The following NMNAT3 variants were observed in gnomAD, a reference collection of about 807,000 sequenced individuals.
NMNAT3 encodes nicotinamide/nicotinic acid mononucleotide adenylyltransferase 3.
Under a neutral mutation model 24.8 loss-of-function variants are expected in NMNAT3, and 21 were observed. The observed-to-expected ratio is 0.85, with a 90% CI of 0.60 to 1.22. NMNAT3 has a LOEUF of 1.22. NMNAT3 is among the 50% of genes most tolerant of loss of function. NMNAT3 has a pLI of 0.00. For synonymous variants in NMNAT3, 136 were observed against 155.2 expected (o/e 0.88, Z 0.92); for missense variants, 387 against 436.6 (o/e 0.89, Z 1.01).
At position 139,624,724 on chromosome 3, in the gene NMNAT3, C is replaced by T. The variant is rs552523244; in HGVS notation, c.109+2892G>A. Among the ~76,000 whole-genome samples, 7 of 152,280 alleles carry T rather than the reference C, an allele frequency of 4.6e-5. No individual in the cohort carries two copies. In the South Asian group the frequency reaches 6.2e-4, roughly 14 times the overall value. ...TTGGCCTCCCAAAGTGTTGGGATTA[C>T]GGGCATGAGCCACCGCGCCATGCGG... On this transcript the variant is annotated intron_variant, in intron 3 of 6. Coordinates refer to ENST00000643695, the MANE Select transcript of NMNAT3 (RefSeq NM_001320510.2).
rs373498078 is a variant in NMNAT3 at position 139,565,287 on chromosome 3, A to G, written c.659-3895T>C. The G allele has an allele frequency of 3.9e-5, 6 of 152,342 alleles. No individual in the cohort carries two copies. The East Asian group carries it at 9.6e-4, about 24-fold the overall frequency. 9.4% of individuals were successfully genotyped at this position (152,342 alleles called of 1,614,324 possible). On this transcript the variant is annotated intron_variant, in intron 6 of 6. Transcript: ENST00000643695. ...CAGATTCCTAGAATGGGAATTTATC[A>G]AGCAAAGAGTGCAAAGATTTTTAAA...
intron 3 of NMNAT3, among the ~76,000 whole-genome samples, chr3:139,604,002 C>T (rs1293870518): frequency 2.0e-5 from 3 of 152,150 alleles, no homozygotes; most frequent in African/African-American, 7.2e-5. Flanking sequence ...TCAAGTGGAA[C>T]CAGACATGGT....
intron 3 of NMNAT3, among the ~76,000 whole-genome samples, chr3:139,587,178 G>T (rs931222370): frequency 6.6e-6 from 1 of 152,210 alleles, no homozygotes; most frequent in African/African-American, 2.4e-5. Flanking sequence ...GCCTCCTTCA[G>T]CTTTGGCAAG....
intron 2 of NMNAT3, chr3:139,635,214 T>C (rs1037215805): frequency 2.0e-5 from 3 of 152,252 alleles, no homozygotes; most frequent in African/African-American, 7.2e-5. Flanking sequence ...TCTAGTTACC[T>C]AAGACCTGGC....
At chr3:139,594,154 C>G (rs560771607) in intron 3 of NMNAT3, among the ~76,000 whole-genome samples, 2 of 152,234 alleles carry the variant, frequency 1.3e-5, no homozygotes, top group East Asian at 3.9e-4. Flanking sequence ...TACAGAAATA[C>G]AAACTACCAT....
intron 1 of NMNAT3, among the ~76,000 whole-genome samples, chr3:139,662,654 AT>A (rs2057452246): frequency 6.6e-6 from 1 of 152,094 alleles, no homozygotes; most frequent in South Asian, 2.1e-4. Context: ...GTACTGAAGA[AT>A]TGGAGGAGGA....
intron 2 of NMNAT3, among the ~76,000 whole-genome samples, chr3:139,629,832 A>C (rs966311753): frequency 2.0e-5 from 3 of 151,962 alleles, no homozygotes; most frequent in African/African-American, 2.4e-5. Context: ...CAACCAGAAA[A>C]CCCCCCGGCA....
At chr3:139,628,059 A>G (rs1324240571) in intron 2 of NMNAT3, among the ~76,000 whole-genome samples, 2 of 152,202 alleles carry the variant, frequency 1.3e-5, no homozygotes, top group African/African-American at 4.8e-5. Flanking sequence ...TGATCCCAGA[A>G]CCCATGTTCT....
intron 3 of NMNAT3, among the ~76,000 whole-genome samples, chr3:139,611,851 T>G (rs141758790): frequency 6.6e-6 from 1 of 152,146 alleles, no homozygotes; most frequent in African/African-American, 2.4e-5. Flanking sequence ...TCTGGGGGTA[T>G]CTGTTGAGTC....
chr3:139,644,408 G>A (rs573668831), intron 1 of NMNAT3, among the ~76,000 whole-genome samples: 3 of 152,102 alleles, frequency 2.0e-5, no homozygotes, highest in African/African-American at 7.2e-5. Flanking sequence ...TTTAAGTACA[G>A]GAATAGAATA....
chr3:139,611,848 G>T (rs374232431), intron 3 of NMNAT3, among the ~76,000 whole-genome samples: 1 of 152,320 alleles, frequency 6.6e-6, no homozygotes, highest in South Asian at 2.1e-4. Flanking sequence ...CTTTCTGGGG[G>T]TATCTGTTGA....
intron 3 of NMNAT3, among the ~76,000 whole-genome samples, chr3:139,592,575 T>C (rs1156469041): frequency 6.6e-6 from 1 of 152,246 alleles, no homozygotes; most frequent in South Asian, 2.1e-4. Flanking sequence ...GAGAGAAAGG[T>C]TGGGTTACCC....
intron 1 of NMNAT3, among the ~76,000 whole-genome samples, chr3:139,653,394 ATG>A (rs1553761071): frequency 2.0e-5 from 3 of 152,242 alleles, no homozygotes; most frequent in East Asian, 1.9e-4. Context: ...TAAAATGCTT[ATG>A]TGAGTTGAAG....
At chr3:139,643,051 G>A (rs2108361733) in intron 1 of NMNAT3, among the ~76,000 whole-genome samples, 1 of 152,152 alleles carries the variant, frequency 6.6e-6, no homozygotes, top group South Asian at 2.1e-4. Flanking sequence ...TTAAAAAGTG[G>A]GCAAAGGACT....
chr3:139,677,651 T>C (rs1478351172), intron 1 of NMNAT3, 54 bp downstream of exon 1: 2 of 152,020 alleles, frequency 1.3e-5, no homozygotes. Flanking sequence ...GGCCCGGGCA[T>C]TCAGCCGCGA....
intron 1 of NMNAT3, among the ~76,000 whole-genome samples, chr3:139,676,570 T>C (rs1032781088): frequency 2.0e-5 from 3 of 152,274 alleles, no homozygotes; most frequent in Admixed American, 2.0e-4. Flanking sequence ...GGCCAGTGGG[T>C]AAGAACCCTT....
At chr3:139,650,258 T>C (rs1219515532) in intron 1 of NMNAT3, among the ~76,000 whole-genome samples, 2 of 152,208 alleles carry the variant, frequency 1.3e-5, no homozygotes, top group Non-Finnish European at 2.9e-5. Flanking sequence ...TCATAAAAAG[T>C]GTTGACATTT....
At chr3:139,640,586 GGGAAGGGT>G (rs2056665596) in intron 1 of NMNAT3, among the ~76,000 whole-genome samples, 1 of 152,186 alleles carries the variant, frequency 6.6e-6, no homozygotes. Context: ...TGAAATATCT[GGGAAGGGT>G]GGAAACTTGG....
At chr3:139,675,141 C>CACACACACAA (rs1196370317) in intron 1 of NMNAT3, among the ~76,000 whole-genome samples, 3 of 151,726 alleles carry the variant, frequency 2.0e-5, no homozygotes, top group South Asian at 2.1e-4. Context: ...AACATACACA[C>CACACACACAA]ACACACACAC....
Sources: gnomAD v4.1 joint callset for allele counts (sites outside exome capture counted in the v4.1 genomes callset) on GRCh38, gnomAD v4.1.1 for gene constraint, MANE v1.5 for transcripts, NCBI Gene and HGNC (gene_info 2026-07-23, HGNC 2026-07-21) for gene names.